The following WDR25 variants were observed in gnomAD, a reference collection of about 807,000 sequenced individuals.
The protein encoded by WDR25 is WD repeat domain 25.
In WDR25, 35 loss-of-function variants were observed where a neutral mutation model predicts 47.7. The ratio of observed to expected loss-of-function variants is 0.73; its 90% CI spans 0.56 to 0.97. WDR25 has a LOEUF of 0.97. Among genes scored for constraint, WDR25 ranks in the 50% least tolerant of loss-of-function variants. The probability of loss-of-function intolerance (pLI) is 0.00; values close to 1 mark genes in which losing one functional copy is unlikely to be tolerated. For synonymous variants in WDR25, 248 were observed against 278.9 expected (o/e 0.89, Z 1.10); for missense variants, 634 against 704.7 (o/e 0.90, Z 1.14).
chr14:100,439,419 G>T (rs1453707544), intron 2 of WDR25, among the ~76,000 whole-genome samples: 1 of 152,206 alleles, frequency 6.6e-6, no homozygotes, highest in Admixed American at 6.5e-5. Flanking sequence ...AGTTCAGCCT[G>T]GTACAGCACG....
chr14:100,436,654 G>C (rs991252733), intron 2 of WDR25, among the ~76,000 whole-genome samples: 1 of 152,180 alleles, frequency 6.6e-6, no homozygotes, highest in Non-Finnish European at 1.5e-5. Flanking sequence ...GGTCGTGGAG[G>C]ACTCTGCACA....
At chr14:100,521,813 G>A (rs2029883395) in intron 4 of WDR25, among the ~76,000 whole-genome samples, 2 of 152,108 alleles carry the variant, frequency 1.3e-5, no homozygotes, top group Non-Finnish European at 1.5e-5. Flanking sequence ...GCCGAGTAAC[G>A]ATGCATATGT....
intron 2 of WDR25, among the ~76,000 whole-genome samples, chr14:100,411,612 C>T (rs983905150): frequency 6.6e-6 from 1 of 151,722 alleles, no homozygotes; most frequent in African/African-American, 2.4e-5. Context: ...TCTTGGCTCA[C>T]TGCAACTGCT....
chr14:100,479,769 A>T (rs983355389), intron 3 of WDR25, among the ~76,000 whole-genome samples: 9 of 152,168 alleles, frequency 5.9e-5, no homozygotes, highest in Admixed American at 5.9e-4. Context: ...GAACCAGACC[A>T]CACAGCAGGA....
At chr14:100,510,784 G>A (rs983764920) in intron 4 of WDR25, among the ~76,000 whole-genome samples, 1 of 101,176 alleles carries the variant, frequency 9.9e-6, no homozygotes, top group African/African-American at 4.6e-5. Context: ...TTTTTTTTTT[G>A]TAGAGACAGG....
intron 2 of WDR25, among the ~76,000 whole-genome samples, chr14:100,466,162 G>A (rs539526231): frequency 2.6e-5 from 4 of 152,192 alleles, no homozygotes; most frequent in Admixed American, 6.5e-5. Flanking sequence ...TGGCTGTGTC[G>A]TGTTTCTAAA....
chr14:100,473,617 T>G (rs1055415700), intron 3 of WDR25, among the ~76,000 whole-genome samples: 4 of 152,176 alleles, frequency 2.6e-5, no homozygotes, highest in African/African-American at 9.7e-5. Context: ...TCTTCAGTGA[T>G]GGATGGCCAC....
At chr14:100,437,672 T>C (rs987162903) in intron 2 of WDR25, among the ~76,000 whole-genome samples, 1 of 152,160 alleles carries the variant, frequency 6.6e-6, no homozygotes, top group Non-Finnish European at 1.5e-5. Context: ...TTATTAGTAT[T>C]AGTAGTATTA....
intron 4 of WDR25, among the ~76,000 whole-genome samples, chr14:100,486,754 C>T (rs892754902): frequency 5.3e-5 from 8 of 152,228 alleles, no homozygotes; most frequent in Admixed American, 6.5e-5. Flanking sequence ...TGGCTTTTTC[C>T]AGCTGCTTTC....
chr14:100,518,663 G>A (rs1405061208), intron 4 of WDR25, among the ~76,000 whole-genome samples: 1 of 152,072 alleles, frequency 6.6e-6, no homozygotes, highest in Non-Finnish European at 1.5e-5. Context: ...GGCCAAGGCG[G>A]GCAGATTGTC....
chr14:100,466,139 T>G (rs547562497), intron 2 of WDR25, among the ~76,000 whole-genome samples: 347 of 152,314 alleles, frequency 2.3e-3, no homozygotes, highest in African/African-American at 8.0e-3. Flanking sequence ...TGAAGTCTTC[T>G]GGCTGTGTCT....
chr14:100,441,830 G>T (rs1898678886), intron 2 of WDR25, among the ~76,000 whole-genome samples: 1 of 152,244 alleles, frequency 6.6e-6, no homozygotes, highest in Admixed American at 6.5e-5. Context: ...TGCAGTCTCA[G>T]TAGCAGTGGC....
rs1161868442 is a variant in WDR25 at position 100,459,891 on chromosome 14, T to TGC, written c.823-8129_823-8128insCG. On this transcript the variant is annotated intron_variant, in intron 2 of 6. Coordinates refer to ENST00000402312, the MANE Select transcript of WDR25 (RefSeq NM_001161476.3). The stretch of plus-strand genomic sequence containing the variant: ...ATATATATATCCGTATATGTGTGTG[T>TGC]GTGTATATATATATATATATATATA... 1.2e-3 allele frequency among the ~76,000 whole-genome samples: 48 copies of TGC among 40,824 alleles called. 1 individual carries two copies. The highest frequency in any genetic ancestry group is 1.6e-3 in the Non-Finnish European group (41 of 25,366). The allele number at this position is 40,824 out of a possible 152,430, so 26.8% of individuals were successfully genotyped here.
At chr14:100,432,304 A>G (rs1230114373) in intron 2 of WDR25, among the ~76,000 whole-genome samples, 2 of 152,232 alleles carry the variant, frequency 1.3e-5, no homozygotes, top group Non-Finnish European at 2.9e-5. Context: ...TAATAAGTCA[A>G]TGGGTATTAT....
intron 2 of WDR25, among the ~76,000 whole-genome samples, chr14:100,389,226 T>C (rs1331732956): frequency 6.6e-6 from 1 of 152,220 alleles, no homozygotes; most frequent in Non-Finnish European, 1.5e-5. Context: ...TCAAGCCTAA[T>C]GACCATGAAC....
At position 100,510,446 on chromosome 14, in the gene WDR25, T is replaced by A. The variant is rs183913484; in HGVS notation, c.1102-15424T>A. On this transcript the variant is annotated intron_variant, in intron 4 of 6. Coordinates refer to ENST00000402312, the MANE Select transcript of WDR25 (RefSeq NM_001161476.3). ...CCACACTCGGCTAATTTAAAAAAAA[T>A]TTCTTTTGGCCGGGCACAGTGGTTC... Among the ~76,000 whole-genome samples, 1,353 of 150,864 alleles carry A rather than the reference T, an allele frequency of 9.0e-3. 15 individuals carry two copies. Among genetic ancestry groups the A allele is most frequent in the African/African-American group, 0.029 (1,201 of 41,014 alleles).
chr14:100,426,526 G>A (rs761829031), intron 2 of WDR25, among the ~76,000 whole-genome samples: 2 of 152,216 alleles, frequency 1.3e-5, no homozygotes, highest in East Asian at 1.9e-4. Flanking sequence ...GCCTGCGTGC[G>A]CCCAGCCCAC....
intron 4 of WDR25, among the ~76,000 whole-genome samples, chr14:100,507,894 C>G (rs898370590): frequency 2.0e-5 from 3 of 151,890 alleles, no homozygotes; most frequent in African/African-American, 7.3e-5. Context: ...TTATTTTTTC[C>G]TATCTCAATG....
At chr14:100,382,291 C>G in intron 2 of WDR25, 1 of 650,262 alleles carries the variant, frequency 1.5e-6, no homozygotes, top group Non-Finnish European at 2.8e-6. Flanking sequence ...GGGAGGGTTA[C>G]CAGCCCAGCC....
Sources: gnomAD v4.1 joint callset for allele counts (sites outside exome capture counted in the v4.1 genomes callset) on GRCh38, gnomAD v4.1.1 for gene constraint, MANE v1.5 for transcripts, NCBI Gene and HGNC (gene_info 2026-07-23, HGNC 2026-07-21) for gene names.